Variants in DNASE1 observed in about 807,000 individuals in gnomAD.
The protein encoded by DNASE1 is deoxyribonuclease-1.
A neutral mutation model predicts 33.9 loss-of-function variants in DNASE1; 40 were observed. The observed-to-expected ratio is 1.18, with a 90% CI of 0.92 to 1.54. DNASE1 has a LOEUF of 1.54. DNASE1 is among the 40% of genes most tolerant of loss of function. The probability of loss-of-function intolerance (pLI) is 0.00; values close to 1 mark genes in which losing one functional copy is unlikely to be tolerated. For missense variants in DNASE1, 518 were observed against 372.6 expected (o/e 1.39, Z -3.21); for synonymous variants, 216 against 160.0 (o/e 1.35, Z -2.64).
chr16:3,656,138 G>A lies in DNASE1; in HGVS notation c.273G>A (p.Glu91=). 1 of 1,614,136 alleles carries A rather than the reference G, an allele frequency of 6.2e-7. No individual in the cohort carries two copies. Among genetic ancestry groups the A allele is most frequent in the Non-Finnish European group, 8.5e-7 (1 of 1,180,022 alleles). The change falls in exon 4 of 9, where the codon GAG becomes GAA. Residue 91 remains glutamate (E), a synonymous_variant. Coordinates refer to ENST00000246949, the MANE Select transcript of DNASE1 (RefSeq NM_005223.4). ...APDTYHYVVS[E]PLGRNSYKER... ...ACACCTATCACTACGTGGTCAGTGA[G>A]CCACTGGGACGGAACAGCTATAAGG...
At position 3,654,855 on chromosome 16, in the gene DNASE1, G is replaced by C; in HGVS notation, c.-191G>C. On this transcript the variant is annotated 5_prime_UTR_variant, in exon 1 of 9. Transcript: ENST00000246949. The stretch of plus-strand genomic sequence containing the variant: ...GCTGCCTGAACTTTTAAAACTCCCA[G>C]ACACGCACTGCCTGTGCAGGATCCG... 1 of 409,850 alleles carries C rather than the reference G, an allele frequency of 2.4e-6. No individual in the cohort carries two copies. Among genetic ancestry groups the C allele is most frequent in the South Asian group, 1.1e-4 (1 of 8,822 alleles). The allele number at this position is 409,850 out of a possible 1,614,324, so 25.4% of individuals were successfully genotyped here.
At chr16:3,631,295 C>T (rs886428098) in intron 1 of DNASE1, among the ~76,000 whole-genome samples, 7 of 151,974 alleles carry the variant, frequency 4.6e-5, no homozygotes, top group African/African-American at 1.7e-4. Flanking sequence ...ACCTCTGCCT[C>T]CCAGATTCAA....
At chr16:3,658,949 T>A, downstream of DNASE1, 1 of 1,402,212 alleles carries the variant, frequency 7.1e-7, no homozygotes. Context: ...ATCAGGATAT[T>A]TAAAGAAGCA....
chr16:3,632,421 T>TA (rs2041728037), intron 1 of DNASE1, among the ~76,000 whole-genome samples: 1 of 152,204 alleles, frequency 6.6e-6, no homozygotes, highest in Non-Finnish European at 1.5e-5. Context: ...TAAGGTTTGT[T>TA]ACCTCATCTT....
chr16:3,662,129 T>C, downstream of DNASE1: 1 of 1,610,722 alleles, frequency 6.2e-7, no homozygotes, highest in Non-Finnish European at 8.5e-7. Context: ...AGTCGGAGGG[T>C]CACCTGTGAG....
downstream of DNASE1, chr16:3,658,893 C>CAGCTCAGTACCACGTG: frequency 1.2e-6 from 2 of 1,612,476 alleles, no homozygotes; most frequent in Non-Finnish European, 1.7e-6. Context: ...CCAGAAAAAG[C>CAGCTCAGTACCACGTG]AGCTCAGTAC....
chr16:3,620,296 A>G (rs1307967322), intron 1 of DNASE1, among the ~76,000 whole-genome samples: 1 of 152,258 alleles, frequency 6.6e-6, no homozygotes, highest in East Asian at 1.9e-4. Flanking sequence ...TCATCACATC[A>G]TTTAGTCACG....
chr16:3,646,737 C>A (rs772201568), intron 1 of DNASE1, among the ~76,000 whole-genome samples: 1 of 152,114 alleles, frequency 6.6e-6, no homozygotes, highest in Non-Finnish European at 1.5e-5. Flanking sequence ...GTGGGGACGG[C>A]TGGGACATGT....
chr16:3,658,035 A>C lies in DNASE1; in HGVS notation c.*82A>C. On this transcript the variant is annotated 3_prime_UTR_variant, in exon 9 of 9. Coordinates refer to ENST00000246949, the MANE Select transcript of DNASE1 (RefSeq NM_005223.4). Reference sequence around the variant, plus strand: ...GACCCAGAAAAAAAGCCCAACACACACTCGGGTTAAGAAATACCTTTAAAT... The same window carrying C: ...GACCCAGAAAAAAAGCCCAACACACCCTCGGGTTAAGAAATACCTTTAAAT... 1.2e-6 allele frequency: 2 copies of C among 1,607,782 alleles called. No individual in the cohort carries two copies. Among genetic ancestry groups the C allele is most frequent in the East Asian group, 4.5e-5 (2 of 44,736 alleles).
intron 1 of DNASE1, among the ~76,000 whole-genome samples, chr16:3,614,917 G>A (rs935130281): frequency 6.6e-6 from 1 of 152,114 alleles, no homozygotes; most frequent in African/African-American, 2.4e-5. Flanking sequence ...AAATCTCTTA[G>A]AGTCCTGGTG....
exon 10 of DNASE1, chr16:3,663,663 C>T: frequency 6.7e-7 from 1 of 1,499,082 alleles, no homozygotes; most frequent in Non-Finnish European, 9.0e-7. Flanking sequence ...CCAAGCGGGC[C>T]ACACTGGGGA....
chr16:3,635,593 A>ATTT (rs1284776449), intron 1 of DNASE1, among the ~76,000 whole-genome samples: 1 of 150,158 alleles, frequency 6.7e-6, no homozygotes, highest in Non-Finnish European at 1.5e-5. Context: ...ACTTCTTAAT[A>ATTT]TTTTTTGCAA....
chr16:3,656,116 C>A lies in DNASE1; in HGVS notation c.251C>A (p.Thr84Asn), dbSNP rs1176647140. 3.7e-6 allele frequency: 6 copies of A among 1,614,110 alleles called. No individual in the cohort carries two copies. Among genetic ancestry groups the A allele is most frequent in the South Asian group, 3.3e-5 (3 of 91,088 alleles). The change falls in exon 4 of 9, where the codon ACC becomes AAC. Residue 84 changes from threonine to asparagine, a missense_variant. Thr to Asn is a moderately conservative substitution (Grantham distance 65, BLOSUM62 0). Transcript: ENST00000246949. The part of the protein sequence containing the change: ...LDNLNQDAPD[T>N]YHYVVSEPLG... Reference sequence around the variant, plus strand: ...CTTCAATCCAGGGATGCACCAGACACCTATCACTACGTGGTCAGTGAGCCA... The same window carrying A: ...CTTCAATCCAGGGATGCACCAGACAACTATCACTACGTGGTCAGTGAGCCA...
chr16:3,657,149 C>T (rs1368385938), intron 6 of DNASE1, 38 bp downstream of exon 6: 1 of 1,614,024 alleles, frequency 6.2e-7, no homozygotes, highest in Non-Finnish European at 8.5e-7. Flanking sequence ...CCAGCGGCCT[C>T]CGCATGTCCC....
rs8176933 is a variant in DNASE1, at chr16:3,657,847, G to A, written c.801+31G>A. 173 of 1,614,004 alleles carry A rather than the reference G, an allele frequency of 1.1e-4. 1 individual carries two copies. The East Asian group carries it at 3.4e-3, about 31-fold the overall frequency. On this transcript the variant is annotated intron_variant, in intron 8 of 8. Transcript: ENST00000246949. ...TGTCCTCCCTTGCACAGCCACATGAGGATGGGACACAGGAGCTCAGGTAGG... is the reference window on the plus strand; with the variant it reads ...TGTCCTCCCTTGCACAGCCACATGAAGATGGGACACAGGAGCTCAGGTAGG...
downstream of DNASE1, chr16:3,661,644 G>A (rs557408091): frequency 7.2e-4 from 180 of 248,690 alleles, no homozygotes; most frequent in African/African-American, 3.8e-3. Flanking sequence ...AGTGAGCAAC[G>A]TGAGACTTCA....
At chr16:3,663,486 G>T (rs752085806) in exon 10 of DNASE1, 1 of 1,614,202 alleles carries the variant, frequency 6.2e-7, no homozygotes, top group Non-Finnish European at 8.5e-7. Context: ...CGTCTCCACA[G>T]AGATCAGCTT....
intron 1 of DNASE1, among the ~76,000 whole-genome samples, chr16:3,634,907 A>G (rs893764304): frequency 6.6e-6 from 1 of 152,128 alleles, no homozygotes; most frequent in Non-Finnish European, 1.5e-5. Flanking sequence ...ATGACTGATC[A>G]GTACAGGAGT....
chr16:3,628,805 C>T (rs1379559404), intron 1 of DNASE1, among the ~76,000 whole-genome samples: 2 of 149,112 alleles, frequency 1.3e-5, no homozygotes, highest in Non-Finnish European at 3.0e-5. Context: ...GTGATCCGCC[C>T]GCCTCAGCTT....
Sources: allele counts gnomAD v4.1 joint callset (sites outside exome capture counted in the v4.1 genomes callset), GRCh38; gene constraint gnomAD v4.1.1; transcripts MANE v1.5; gene names NCBI Gene and HGNC (gene_info 2026-07-23, HGNC 2026-07-21).